The following STAT4 variants were observed in gnomAD, a reference collection of about 807,000 sequenced individuals.
STAT4 encodes the protein signal transducer and activator of transcription 4.
In STAT4, 42 loss-of-function variants were observed where a neutral mutation model predicts 110.5. The ratio of observed to expected loss-of-function variants is 0.38; its 90% CI spans 0.30 to 0.49. The LOEUF is 0.49. Among genes scored for constraint, STAT4 ranks in the 20% least tolerant of loss-of-function variants. The pLI is 0.95. For missense variants in STAT4, 632 were observed against 887.9 expected (o/e 0.71, Z 3.66); for synonymous variants, 284 against 302.2 (o/e 0.94, Z 0.63).
rs115861189 is a variant in STAT4, at chr2:191,046,292, C to A, written c.1252-5144G>T. Reference sequence around the variant, plus strand: ...TGCCTTGACATATCCTTCACATAACCGAATTGGCCAGGTTTTAGCTCCTTG... The same window carrying A: ...TGCCTTGACATATCCTTCACATAACAGAATTGGCCAGGTTTTAGCTCCTTG... On this transcript the variant is annotated intron_variant, in intron 14 of 23. Transcript: ENST00000392320. The surrounding 1 kb of genome is among the most constrained non-coding windows in gnomAD (Gnocchi z 4.6). 7.8e-3 allele frequency among the ~76,000 whole-genome samples: 1,185 copies of A among 152,284 alleles called. 16 individuals are homozygous for A. The highest frequency in any genetic ancestry group is 0.027 in the African/African-American group (1,127 of 41,536).
At position 191,147,988 on chromosome 2, in the gene STAT4, G is replaced by A; in HGVS notation, c.128+88C>T. The A allele has an allele frequency of 6.4e-7, 1 of 1,570,528 alleles. No individual in the cohort carries two copies. Among genetic ancestry groups the A allele is most frequent in the Non-Finnish European group, 8.6e-7 (1 of 1,157,338 alleles). ...TACCTGAAAAGAATGCATCTACTGA[G>A]TAAAAAGTGGACCATAAAATAAATT... is the stretch of plus-strand genomic sequence containing the variant. On this transcript the variant is annotated intron_variant, in intron 2 of 23. Transcript: ENST00000392320. The surrounding 1 kb of genome is among the most constrained non-coding windows in gnomAD (Gnocchi z 4.1).
At chr2:191,108,216 G>A (rs754883431) in intron 3 of STAT4, among the ~76,000 whole-genome samples, 5 of 151,754 alleles carry the variant, frequency 3.3e-5, no homozygotes, top group Admixed American at 6.6e-5. Flanking sequence ...TGTTGAACCC[G>A]GGAGGTAGAG....
chr2:191,146,068 A>C lies in STAT4; in HGVS notation c.273+545T>G, dbSNP rs539985803. 1.6e-4 allele frequency among the ~76,000 whole-genome samples: 25 copies of C among 152,306 alleles called. No homozygotes were observed. Among genetic ancestry groups the C allele is most frequent in the African/African-American group, 6.0e-4 (25 of 41,566 alleles). ...GAGAAGTCAAACACATAGAAATAGC[A>C]ATAATGTCGAATATACTAAATGCCA... On this transcript the variant is annotated intron_variant, in intron 3 of 23. Transcript: ENST00000392320. The surrounding 1 kb of genome is among the most constrained non-coding windows in gnomAD (Gnocchi z 4.5).
Position 191,066,292 on chromosome 2 carries a change from T to G in STAT4, c.630+138A>C. 1.4e-6 allele frequency: 1 copy of G among 730,826 alleles called. No individual in the cohort carries two copies. The highest frequency in any genetic ancestry group is 2.3e-6 in the Non-Finnish European group (1 of 435,918). 45.3% of individuals were successfully genotyped at this position (730,826 alleles called of 1,614,324 possible). A position where few individuals can be genotyped will look rare whatever the true frequency, so the allele number is the denominator to read the frequency against. ...AGAAGCATGGCAAACAGCGTGGGAC[T>G]GTTCCTAGAAACCTTGCCGTTTCTT... On this transcript the variant is annotated intron_variant, in intron 7 of 23. Coordinates refer to ENST00000392320, the MANE Select transcript of STAT4 (RefSeq NM_003151.4). The surrounding 1 kb of genome is among the most constrained non-coding windows in gnomAD (Gnocchi z 4.3).
chr2:191,071,030 T>C (rs1201566373), intron 5 of STAT4, among the ~76,000 whole-genome samples: 1 of 152,190 alleles, frequency 6.6e-6, no homozygotes, highest in African/African-American at 2.4e-5. Flanking sequence ...TCTCCATACT[T>C]ATAAACCTTA....
At position 191,099,824 on chromosome 2, in the gene STAT4, T is replaced by C. The variant is rs1298230444; in HGVS notation, c.274-23499A>G. 6.6e-6 allele frequency among the ~76,000 whole-genome samples: 1 copy of C among 152,160 alleles called. No individual in the cohort carries two copies. The highest frequency in any genetic ancestry group is 1.5e-5 in the Non-Finnish European group (1 of 68,014). On this transcript the variant is annotated intron_variant, in intron 3 of 23. Transcript: ENST00000392320. The surrounding 1 kb of genome is among the most constrained non-coding windows in gnomAD (Gnocchi z 4.1). ...AAAAAGAAGTTTGTAATTAAAAAGC[T>C]ACATGTATATTATGATCTACTTTAT...
chr2:191,091,460 A>C lies in STAT4; in HGVS notation c.274-15135T>G, dbSNP rs1697795078. Among the ~76,000 whole-genome samples the C allele has an allele frequency of 6.6e-6, 1 of 152,230 alleles. No homozygotes were observed. The highest frequency in any genetic ancestry group is 2.4e-5 in the African/African-American group (1 of 41,454). On this transcript the variant is annotated intron_variant, in intron 3 of 23. Coordinates refer to ENST00000392320, the MANE Select transcript of STAT4 (RefSeq NM_003151.4). This position sits in a 1 kb window ranked among gnomAD's most constrained non-coding sequence, Gnocchi z 5.4. ...AGACACATTAAAAACATAAATTCTA[A>C]ATGTGAGAGACTTGTTATTATAAAA...
chr2:191,038,260 C>G (rs1273140911), intron 16 of STAT4, among the ~76,000 whole-genome samples: 1 of 152,052 alleles, frequency 6.6e-6, no homozygotes, highest in East Asian at 1.9e-4. Context: ...TTTGGGGCAC[C>G]CTGCACAGTC....
At chr2:191,076,039 A>G in intron 4 of STAT4, 188 bp downstream of exon 4, 1 of 491,496 alleles carries the variant, frequency 2.0e-6, no homozygotes. Flanking sequence ...TTTTTTTTGG[A>G]GACAGGGTCT....
Position 191,031,215 on chromosome 2 carries a change from A to G in STAT4, c.2112-135T>C. The G allele has an allele frequency of 4.1e-6, 4 of 987,342 alleles. No individual in the cohort carries two copies. Among genetic ancestry groups the G allele is most frequent in the Non-Finnish European group, 6.1e-6 (4 of 654,444 alleles). The allele number at this position is 987,342 out of a possible 1,614,324, so 61.2% of individuals were successfully genotyped here. ...TGAGTTATCTAATTCATCATTTCAT[A>G]TCAGAACACTCAACTTACTGTGGCA... On this transcript the variant is annotated intron_variant, in intron 22 of 23. Coordinates refer to ENST00000392320, the MANE Select transcript of STAT4 (RefSeq NM_003151.4). This position sits in a 1 kb window ranked among gnomAD's most constrained non-coding sequence, Gnocchi z 4.8.
chr2:191,141,319 T>C (rs902818805), intron 3 of STAT4, among the ~76,000 whole-genome samples: 1 of 150,674 alleles, frequency 6.6e-6, no homozygotes, highest in Non-Finnish European at 1.5e-5. Context: ...ATCAGGAAAA[T>C]GCAAATTGAA....
Position 191,147,883 on chromosome 2 carries a change from T to C in STAT4, c.128+193A>G, listed in dbSNP as rs932729186. ...AAAGAAGCACTGGAACCATTAACTTTTCATTTACAATGAATGGAACCAGAA... is the reference window on the plus strand; with the variant it reads ...AAAGAAGCACTGGAACCATTAACTTCTCATTTACAATGAATGGAACCAGAA... On this transcript the variant is annotated intron_variant, in intron 2 of 23. Transcript: ENST00000392320. The surrounding 1 kb of genome is among the most constrained non-coding windows in gnomAD (Gnocchi z 4.1). Among the ~76,000 whole-genome samples, 2 of 152,214 alleles carry C rather than the reference T, an allele frequency of 1.3e-5. No homozygotes were observed. Among genetic ancestry groups the C allele is most frequent in the Non-Finnish European group, 2.9e-5 (2 of 68,020 alleles).
rs1302116503 is a variant in STAT4 at position 191,073,734 on chromosome 2, CAT to C, written c.373-546_373-545del. On this transcript the variant is annotated intron_variant, in intron 4 of 23. Coordinates refer to ENST00000392320, the MANE Select transcript of STAT4 (RefSeq NM_003151.4). The stretch of plus-strand genomic sequence containing the variant: ...CAAGCCCACCATACATAAATATAAA[CAT>C]ATATATATGATCTCTATTGCTTGAA... Among the ~76,000 whole-genome samples the C allele has an allele frequency of 2.6e-5, 4 of 152,194 alleles. No homozygotes were observed. The South Asian group carries it at 8.3e-4, about 32-fold the overall frequency.
intron 16 of STAT4, among the ~76,000 whole-genome samples, chr2:191,038,540 C>A (rs1696105708): frequency 6.6e-6 from 1 of 152,120 alleles, no homozygotes; most frequent in Non-Finnish European, 1.5e-5. Flanking sequence ...GTTTCCAGGA[C>A]AACACACTGA....
intron 14 of STAT4, 92 bp downstream of exon 14, chr2:191,054,398 T>C: frequency 9.7e-7 from 1 of 1,031,030 alleles, no homozygotes; most frequent in Non-Finnish European, 1.4e-6. Flanking sequence ...AATTTGATTT[T>C]ATATGAAGTC....
Position 191,062,486 on chromosome 2 carries a change from A to T in STAT4, c.941+276T>A, listed in dbSNP as rs543309672. 2.6e-5 allele frequency among the ~76,000 whole-genome samples: 4 copies of T among 152,136 alleles called. No homozygotes were observed. The East Asian group carries it at 5.8e-4, about 22-fold the overall frequency. On this transcript the variant is annotated intron_variant, in intron 9 of 23. Transcript: ENST00000392320. The surrounding 1 kb of genome is among the most constrained non-coding windows in gnomAD (Gnocchi z 4.9). ...TTCATGGATATGCACATAAGAAAAA[A>T]CCCTTGAAATTTTTTCTAAGATGTG...
In STAT4 at chr2:191,033,854, A is replaced by G. The variant is rs1440857929; in HGVS notation, c.1715+57T>C. ...GAGAAAAAGAAAGAAGAAAACCAAT[A>G]ACAACAGAAAAAAAGAACATAATTA... On this transcript the variant is annotated intron_variant, in intron 19 of 23. Transcript: ENST00000392320. The surrounding 1 kb of genome is among the most constrained non-coding windows in gnomAD (Gnocchi z 6.9). 2 of 1,456,684 alleles carry G rather than the reference A, an allele frequency of 1.4e-6. No individual in the cohort carries two copies. The highest frequency in any genetic ancestry group is 1.9e-6 in the Non-Finnish European group (2 of 1,067,414). The allele number at this position is 1,456,684 out of a possible 1,614,324, so 90.2% of individuals were successfully genotyped here.
rs2125289581 is a variant in STAT4, at chr2:191,083,470, A to G, written c.274-7145T>C. The stretch of plus-strand genomic sequence containing the variant: ...AAGGCCAAGAAGATGTGAACAGGAC[A>G]GCCCCACCTCTGCTGTACCAGCTCT... On this transcript the variant is annotated intron_variant, in intron 3 of 23. Coordinates refer to ENST00000392320, the MANE Select transcript of STAT4 (RefSeq NM_003151.4). This position sits in a 1 kb window ranked among gnomAD's most constrained non-coding sequence, Gnocchi z 4.6. Among the ~76,000 whole-genome samples, 1 of 152,342 alleles carries G rather than the reference A, an allele frequency of 6.6e-6. No individual in the cohort carries two copies. Among genetic ancestry groups the G allele is most frequent in the Admixed American group, 6.5e-5 (1 of 15,296 alleles).
rs1698100641 is a variant in STAT4, at chr2:191,099,585, A to G, written c.274-23260T>C. On this transcript the variant is annotated intron_variant, in intron 3 of 23. Transcript: ENST00000392320. The surrounding 1 kb of genome is among the most constrained non-coding windows in gnomAD (Gnocchi z 4.1). ...TAAAATTTCATTTTTGTAAATGACA[A>G]AATATTTCATCATTTACAAAATTTC... 1.4e-5 allele frequency among the ~76,000 whole-genome samples: 2 copies of G among 148,082 alleles called. No homozygotes were observed. Among genetic ancestry groups the G allele is most frequent in the African/African-American group, 5.3e-5 (2 of 37,580 alleles).
Sources: allele counts gnomAD v4.1 joint callset (sites outside exome capture counted in the v4.1 genomes callset), GRCh38; gene constraint gnomAD v4.1.1; non-coding constraint Gnocchi (gnomAD v3.1); transcripts MANE v1.5; gene names NCBI Gene and HGNC (gene_info 2026-07-23, HGNC 2026-07-21).